The following DNM2 variants were observed in gnomAD, a reference collection of about 807,000 sequenced individuals.
DNM2 encodes the protein dynamin-2.
A neutral mutation model predicts 99.0 loss-of-function variants in DNM2; 15 were observed. The ratio of observed to expected loss-of-function variants is 0.15; its 90% CI spans 0.10 to 0.23. DNM2 has a LOEUF of 0.23. DNM2 is among the 10% of genes least tolerant of loss of function. The pLI, the probability that DNM2 is intolerant of heterozygous loss-of-function variation, is 1.00. For synonymous variants in DNM2, 525 were observed against 481.2 expected, an observed-to-expected ratio of 1.09 and a Z score of -1.19; for missense variants, 742 against 1,189.4, an observed-to-expected ratio of 0.62 and a Z score of 5.53.
At chr19:10,823,523 C>T in intron 16 of DNM2, 1 of 482,362 alleles carries the variant, frequency 2.1e-6, no homozygotes, top group East Asian at 3.8e-5. Context: ...TCGAGGGTCA[C>T]ATGCCCACCT....
intron 1 of DNM2, among the ~76,000 whole-genome samples, chr19:10,729,979 C>T (rs561128397): frequency 5.7e-4 from 86 of 152,172 alleles, no homozygotes; most frequent in Non-Finnish European, 1.1e-3. Context: ...CCTCCTACCT[C>T]AGCCTCCTGA....
intron 9 of DNM2, among the ~76,000 whole-genome samples, chr19:10,797,074 G>A (rs934687708): frequency 2.6e-5 from 4 of 152,120 alleles, no homozygotes; most frequent in Non-Finnish European, 5.9e-5. Context: ...GAAAACGCTC[G>A]TCCTAGAGCC....
At chr19:10,746,874 T>G (rs2070005762) in intron 1 of DNM2, among the ~76,000 whole-genome samples, 2 of 151,338 alleles carry the variant, frequency 1.3e-5, no homozygotes, top group South Asian at 4.2e-4. Flanking sequence ...GTAGCTGGGA[T>G]TACAGGTGCC....
rs1435996963 is a variant in DNM2 at position 10,816,050 on chromosome 19, G to A, written c.1671+3673G>A. ...GAGGAAACCCTCACGCTTGCTATTC[G>A]GGTGGCTCTGTGGTCACCCCCATCT... On this transcript the variant is annotated intron_variant, in intron 15 of 20. Transcript: ENST00000389253. The surrounding 1 kb of genome is among the most constrained non-coding windows in gnomAD (Gnocchi z 4.6). Among the ~76,000 whole-genome samples the A allele has an allele frequency of 2.0e-5, 3 of 152,098 alleles. No individual in the cohort carries two copies. Among genetic ancestry groups the A allele is most frequent in the Non-Finnish European group, 4.4e-5 (3 of 67,986 alleles).
At position 10,830,227 on chromosome 19, in the gene DNM2, G is replaced by A. The variant is rs749127514; in HGVS notation, c.2392G>A (p.Val798Met). 7 of 1,613,900 alleles carry A rather than the reference G, an allele frequency of 4.3e-6. No individual in the cohort carries two copies. In the South Asian group the frequency reaches 7.7e-5, roughly 18 times the overall value. Residue 798 changes from valine to methionine, a missense_variant, in exon 20 of 21, where the codon GTG (valine) becomes ATG (methionine). Val to Met is a conservative substitution (Grantham distance 21). Coordinates refer to ENST00000389253, the MANE Select transcript of DNM2 (RefSeq NM_001005361.3). This position sits in a 1 kb window ranked among gnomAD's most constrained non-coding sequence, Gnocchi z 4.8. ...AGGGCCCCCCCTGATTCCTGTTCCC[G>A]TGGGGGCAGCAGCCTCCTTCTCGGC... ...TPGPPLIPVP[V>M]GAAASFSAPP...
intron 13 of DNM2, 83 bp downstream of exon 13, chr19:10,806,050 C>G: frequency 6.3e-7 from 1 of 1,576,744 alleles, no homozygotes; most frequent in South Asian, 1.1e-5. Flanking sequence ...TGATGGAGCT[C>G]GGCCTGTGTA....
intron 2 of DNM2, among the ~76,000 whole-genome samples, chr19:10,766,419 C>T (rs1018496379): frequency 6.6e-6 from 1 of 152,096 alleles, no homozygotes; most frequent in African/African-American, 2.4e-5. Flanking sequence ...TGTCCCAGGC[C>T]CCCTGACCCT....
At position 10,772,054 on chromosome 19, in the gene DNM2, T is replaced by TTTTTATTTTA. The variant is rs61545691; in HGVS notation, c.236-406_236-397dup. 4.6e-3 allele frequency among the ~76,000 whole-genome samples: 669 copies of TTTTTATTTTA among 146,582 alleles called. 3 individuals carry two copies. Among genetic ancestry groups the TTTTTATTTTA allele is most frequent in the African/African-American group, 0.01 (416 of 39,742 alleles). On this transcript the variant is annotated intron_variant, in intron 2 of 20. Coordinates refer to ENST00000389253, the MANE Select transcript of DNM2 (RefSeq NM_001005361.3). This position sits in a 1 kb window ranked among gnomAD's most constrained non-coding sequence, Gnocchi z 4.9. Reference sequence around the variant, plus strand: ...GACGATGATTGGGTCATTATTTTCTTTTTTATTTTATTTTATTTTATTTTA... The same window carrying TTTTTATTTTA: ...GACGATGATTGGGTCATTATTTTCTTTTTTATTTTATTTTATTTTATTTTATTTTATTTTA...
At chr19:10,782,236 G>T (rs1473510646) in intron 5 of DNM2, among the ~76,000 whole-genome samples, 1 of 152,068 alleles carries the variant, frequency 6.6e-6, no homozygotes, top group Non-Finnish European at 1.5e-5. Context: ...GTTTTGCCAT[G>T]TTACCCAGGC....
At chr19:10,754,819 T>C (rs897432680) in intron 1 of DNM2, among the ~76,000 whole-genome samples, 2 of 151,892 alleles carry the variant, frequency 1.3e-5, no homozygotes, top group African/African-American at 4.8e-5. Context: ...CTCGAACTCC[T>C]GACTTCAAGT....
At position 10,820,996 on chromosome 19, in the gene DNM2, C is replaced by T. The variant is rs1180412223; in HGVS notation, c.1781+907C>T. 6.6e-6 allele frequency among the ~76,000 whole-genome samples: 1 copy of T among 152,162 alleles called. No individual in the cohort carries two copies. Among genetic ancestry groups the T allele is most frequent in the Non-Finnish European group, 1.5e-5 (1 of 68,030 alleles). On this transcript the variant is annotated intron_variant, in intron 16 of 20. Transcript: ENST00000389253. This position sits in a 1 kb window ranked among gnomAD's most constrained non-coding sequence, Gnocchi z 4.3. ...AATCACGCTCATCCAGGAAGCAGGG[C>T]CCACCTGAGTCAGGGATTAGCTGTC...
At position 10,831,870 on chromosome 19, in the gene DNM2, A is replaced by G. The variant is rs2073355202; in HGVS notation, c.*823A>G. 9.8e-7 allele frequency: 1 copy of G among 1,021,782 alleles called. No homozygotes were observed. The highest frequency in any genetic ancestry group is 1.7e-5 in the African/African-American group (1 of 57,950). 63.3% of individuals were successfully genotyped at this position (1,021,782 alleles called of 1,614,324 possible). On this transcript the variant is annotated 3_prime_UTR_variant, in exon 21 of 21. Coordinates refer to ENST00000389253, the MANE Select transcript of DNM2 (RefSeq NM_001005361.3). This position sits in a 1 kb window ranked among gnomAD's most constrained non-coding sequence, Gnocchi z 4.3. ...AAGTGCCTGCACTCTGTATTCTATTAATAAACTAAAATAAAGGGAAGACGC... is the reference window on the plus strand; with the variant it reads ...AAGTGCCTGCACTCTGTATTCTATTGATAAACTAAAATAAAGGGAAGACGC...
At chr19:10,782,278 C>G (rs1381592614) in intron 5 of DNM2, among the ~76,000 whole-genome samples, 1 of 152,196 alleles carries the variant, frequency 6.6e-6, no homozygotes, top group Non-Finnish European at 1.5e-5. Flanking sequence ...AAGCGTTCCA[C>G]CCGCCTCGGC....
At chr19:10,722,667 C>T (rs1331429107) in intron 1 of DNM2, among the ~76,000 whole-genome samples, 3 of 151,596 alleles carry the variant, frequency 2.0e-5, no homozygotes, top group Non-Finnish European at 4.4e-5. Flanking sequence ...ATACTGTCAC[C>T]CAGGCTAGAG....
intron 2 of DNM2, among the ~76,000 whole-genome samples, chr19:10,760,301 TA>T (rs2070576788): frequency 6.6e-6 from 1 of 151,478 alleles, no homozygotes; most frequent in African/African-American, 2.4e-5. Context: ...TCGGCCTCCC[TA>T]AGTGCTGGGA....
chr19:10,824,907 A>G, intron 17 of DNM2, 150 bp from the exon 18 acceptor site: 1 of 1,266,316 alleles, frequency 7.9e-7, no homozygotes, highest in Non-Finnish European at 1.1e-6. Flanking sequence ...GCTCTGGCCC[A>G]GGGCAAGCAG....
At chr19:10,790,764 G>A (rs117786851) in intron 7 of DNM2, among the ~76,000 whole-genome samples, 20,438 of 151,926 alleles carry the variant, frequency 0.13, 1,752 homozygotes, top group Middle Eastern at 0.22. Flanking sequence ...CACCATGCCC[G>A]GACCTCATGT....
rs548451930 is a variant in DNM2, at chr19:10,824,107, C to G, written c.1893+208C>G. On this transcript the variant is annotated intron_variant, in intron 17 of 20. Coordinates refer to ENST00000389253, the MANE Select transcript of DNM2 (RefSeq NM_001005361.3). Reference sequence around the variant, plus strand: ...AAGTTCCCTCACGGAAGCCAGTGACCGGGGCACACAGGGGATGGGGTCCCA... The same window carrying G: ...AAGTTCCCTCACGGAAGCCAGTGACGGGGGCACACAGGGGATGGGGTCCCA... 21 of 589,944 alleles carry G rather than the reference C, an allele frequency of 3.6e-5. No individual in the cohort carries two copies. The African/African-American group carries it at 3.7e-4, about 10-fold the overall frequency. The allele number at this position is 589,944 out of a possible 1,614,324, so 36.5% of individuals were successfully genotyped here.
rs142010175 is a variant in DNM2 at position 10,820,543 on chromosome 19, G to A, written c.1781+454G>A. On this transcript the variant is annotated intron_variant, in intron 16 of 20. Transcript: ENST00000389253. This position sits in a 1 kb window ranked among gnomAD's most constrained non-coding sequence, Gnocchi z 4.3. ...GAAGAGTCAGGCGGAGCCCTGGTGG[G>A]CATGGATATGAGAGAGAAAGGCACC... Among the ~76,000 whole-genome samples, 77 of 152,364 alleles carry A rather than the reference G, an allele frequency of 5.1e-4. No homozygotes were observed. The Middle Eastern group carries it at 0.01, about 20-fold the overall frequency.
Sources: gnomAD v4.1 joint callset for allele counts (sites outside exome capture counted in the v4.1 genomes callset) on GRCh38, gnomAD v4.1.1 for gene constraint, Gnocchi (gnomAD v3.1) non-coding constraint, MANE v1.5 for transcripts, NCBI Gene and HGNC (gene_info 2026-07-23, HGNC 2026-07-21) for gene names.